Variants in PLA2G4E observed in about 807,000 individuals in gnomAD.
PLA2G4E encodes the protein phospholipase A2 group IVE.
PLA2G4E carries 84 observed loss-of-function variants against 109.1 expected under a neutral mutation model. That is an observed-to-expected ratio of 0.77 (90% CI 0.65 to 0.92). The LOEUF is 0.92. PLA2G4E is among the 40% of genes least tolerant of loss of function. The pLI is 0.00. For synonymous variants in PLA2G4E, 469 were observed against 436.1 expected, an observed-to-expected ratio of 1.08 and a Z score of -0.94; for missense variants, 1,057 against 1,076.6, an observed-to-expected ratio of 0.98 and a Z score of 0.25.
intron 1 of PLA2G4E, among the ~76,000 whole-genome samples, chr15:42,028,407 A>ATTTATTTC (rs1555388347): frequency 0.019 from 2,709 of 139,814 alleles, 84 homozygotes; most frequent in African/African-American, 0.065. Context: ...TTATTTATTT[A>ATTTATTTC]TTTATTTATT....
At chr15:41,989,481 C>T (rs1166080441) in exon 15 of PLA2G4E, 26 of 1,613,842 alleles carry the variant, frequency 1.6e-5, no homozygotes, top group South Asian at 4.4e-5. Context: ...AACTCGGAGC[C>T]GAAGAGCTCG....
intron 2 of PLA2G4E, among the ~76,000 whole-genome samples, 158 bp from the exon 3 acceptor site, chr15:42,008,023 A>G (rs1383176431): frequency 6.6e-6 from 1 of 152,226 alleles, no homozygotes; most frequent in Non-Finnish European, 1.5e-5. Flanking sequence ...CAGATCCCCA[A>G]GAAGTCACAG....
At chr15:41,983,654 C>G (rs114003887) in exon 20 of PLA2G4E, 1 of 1,108,422 alleles carries the variant, frequency 9.0e-7, no homozygotes, top group Admixed American at 2.5e-5. Context: ...CACCCATTGC[C>G]GGAGAGCAGA....
At chr15:42,013,445 A>C (rs956271329) in intron 2 of PLA2G4E, among the ~76,000 whole-genome samples, 1 of 152,228 alleles carries the variant, frequency 6.6e-6, no homozygotes, top group Non-Finnish European at 1.5e-5. Context: ...GGTAGCGCCG[A>C]GGGAACAGCA....
At chr15:41,989,257 G>A (rs2068199411) in intron 15 of PLA2G4E, among the ~76,000 whole-genome samples, 158 bp downstream of exon 15, 1 of 152,148 alleles carries the variant, frequency 6.6e-6, no homozygotes, top group Non-Finnish European at 1.5e-5. Flanking sequence ...AATTGGGAGA[G>A]CCCCCAGACC....
At chr15:42,009,719 C>G (rs868420709) in intron 2 of PLA2G4E, 1 of 164,980 alleles carries the variant, frequency 6.1e-6, no homozygotes, top group African/African-American at 2.4e-5. Context: ...CACACGCACT[C>G]ACCGTTTAGA....
intron 1 of PLA2G4E, among the ~76,000 whole-genome samples, chr15:42,034,848 C>T (rs1889180707): frequency 6.6e-6 from 1 of 152,226 alleles, no homozygotes; most frequent in South Asian, 2.1e-4. Flanking sequence ...CTATATGCCC[C>T]TTGGACTTCC....
At chr15:41,992,218 G>A (rs1412156264) in intron 13 of PLA2G4E, among the ~76,000 whole-genome samples, 1 of 152,284 alleles carries the variant, frequency 6.6e-6, no homozygotes, top group East Asian at 1.9e-4. Flanking sequence ...AGTCTGTGCT[G>A]AGGCTGCACT....
At chr15:42,013,656 A>G in intron 2 of PLA2G4E, 29 bp downstream of exon 2, 1 of 1,539,718 alleles carries the variant, frequency 6.5e-7, no homozygotes, top group Non-Finnish European at 8.8e-7. Flanking sequence ...CGGTAAGCAG[A>G]GAAGGAGAGA....
chr15:42,032,807 A>C (rs1040252421), intron 1 of PLA2G4E, among the ~76,000 whole-genome samples: 3 of 152,302 alleles, frequency 2.0e-5, no homozygotes, highest in Non-Finnish European at 4.4e-5. Flanking sequence ...GTCAGAAAGG[A>C]GGAACACAGC....
chr15:41,999,992 G>A lies in PLA2G4E; in HGVS notation c.861C>T (p.Cys287=), dbSNP rs746081532. ...TGATGGGGCCCTTCTTGCGAGAGCG[G>A]CAGCAAAGCTGGAGGGATGGGTGGG... Residue 287 remains cysteine, a synonymous_variant, in exon 9 of 20, where the codon TGC becomes TGT. Coordinates refer to ENST00000399518, the Ensembl canonical transcript of PLA2G4E. 4 of 1,607,932 alleles carry A rather than the reference G, an allele frequency of 2.5e-6. No individual in the cohort carries two copies. In the African/African-American group the frequency reaches 4.0e-5, roughly 16 times the overall value.
intron 15 of PLA2G4E, among the ~76,000 whole-genome samples, chr15:41,988,812 AGTGAT>A (rs1358557548): frequency 6.6e-6 from 1 of 152,164 alleles, no homozygotes; most frequent in African/African-American, 2.4e-5. Flanking sequence ...TGGGGGAAGA[AGTGAT>A]GGGACTGAGT....
chr15:41,995,160 C>T (rs959183428), intron 12 of PLA2G4E, among the ~76,000 whole-genome samples, 200 bp downstream of exon 12: 7 of 152,300 alleles, frequency 4.6e-5, no homozygotes, highest in South Asian at 2.1e-4. Flanking sequence ...TACTGTTATC[C>T]GCACTGTGCA....
At chr15:42,017,407 G>A (rs2141061272) in intron 1 of PLA2G4E, among the ~76,000 whole-genome samples, 1 of 152,332 alleles carries the variant, frequency 6.6e-6, no homozygotes, top group East Asian at 1.9e-4. Context: ...ATAACAGCTA[G>A]CATCTGCTGC....
intron 15 of PLA2G4E, 132 bp downstream of exon 15, chr15:41,989,283 T>G: frequency 7.8e-7 from 1 of 1,286,852 alleles, no homozygotes; most frequent in Non-Finnish European, 1.1e-6. Context: ...TGGTCCCCAG[T>G]GACTTGGGAC....
At chr15:41,991,290 G>A (rs891891821) in intron 13 of PLA2G4E, among the ~76,000 whole-genome samples, 13 of 152,326 alleles carry the variant, frequency 8.5e-5, no homozygotes, top group African/African-American at 3.1e-4. Context: ...GACTCCTGAT[G>A]TCGGAAGACT....
chr15:41,983,799 G>T, exon 20 of PLA2G4E: 1 of 1,607,908 alleles, frequency 6.2e-7, no homozygotes, highest in South Asian at 1.1e-5. Context: ...TCTCCACTGC[G>T]AGCCGCAGAG....
chr15:42,022,696 A>T (rs1595572794), intron 1 of PLA2G4E, among the ~76,000 whole-genome samples: 1 of 152,212 alleles, frequency 6.6e-6, no homozygotes, highest in South Asian at 2.1e-4. Context: ...AATACAAGTG[A>T]TGGGGAGTGG....
intron 10 of PLA2G4E, 170 bp from the exon 11 acceptor site, chr15:41,997,429 C>G (rs540927421): frequency 6.2e-6 from 4 of 644,396 alleles, no homozygotes; most frequent in East Asian, 6.3e-5. Context: ...TCGTGCTGAA[C>G]TCTCAGCACT....
Sources: allele counts gnomAD v4.1 joint callset (sites outside exome capture counted in the v4.1 genomes callset), GRCh38; gene constraint gnomAD v4.1.1; transcripts MANE v1.5; gene names NCBI Gene and HGNC (gene_info 2026-07-23, HGNC 2026-07-21).